LRIF1: variants seen among roughly 807,000 people sequenced by gnomAD.
LRIF1 encodes ligand-dependent nuclear receptor-interacting factor 1.
In LRIF1, 32 loss-of-function variants were observed where a neutral mutation model predicts 52.7. That is an observed-to-expected ratio of 0.61 (90% confidence interval 0.46 to 0.82). The LOEUF is 0.82. LRIF1 is among the 40% of genes least tolerant of loss of function. The pLI is 0.00. For missense variants in LRIF1, 887 were observed against 892.0 expected, an observed-to-expected ratio of 0.99 and a Z score of 0.07; for synonymous variants, 323 against 317.4, an observed-to-expected ratio of 1.02 and a Z score of -0.19.
At chr1:110,918,314 A>G in the LRIF1 span, among the ~76,000 whole-genome samples, 4 of 152,192 alleles carry the variant, frequency 2.6e-5, no homozygotes, top group African/African-American at 9.6e-5. Context: ...GACAGGAACA[A>G]AAAATAAGAA....
intron 1 of LRIF1, 74 bp from the exon 2 acceptor site, chr1:110,952,889 T>C: frequency 5.2e-6 from 4 of 767,372 alleles, no homozygotes; most frequent in Non-Finnish European, 7.1e-6. Flanking sequence ...TAAATATTTG[T>C]AAATATTTGT....
At chr1:110,878,531 C>G in the LRIF1 span, among the ~76,000 whole-genome samples, 6 of 152,044 alleles carry the variant, frequency 3.9e-5, no homozygotes, top group Admixed American at 3.9e-4. Context: ...ATGCTTTCTT[C>G]TTTATACTTT....
the LRIF1 span, chr1:110,939,840 T>TAG: frequency 6.6e-6 from 1 of 152,180 alleles, no homozygotes; most frequent in Non-Finnish European, 1.5e-5. Context: ...ATATACAAAG[T>TAG]AGACTAAAGG....
At chr1:110,955,796 T>G (rs915096382) in intron 1 of LRIF1, among the ~76,000 whole-genome samples, 1 of 152,178 alleles carries the variant, frequency 6.6e-6, no homozygotes, top group African/African-American at 2.4e-5. Flanking sequence ...GATCTTTCCT[T>G]TTTCTTTGTT....
the LRIF1 span, chr1:110,891,565 G>A: frequency 6.5e-6 from 6 of 927,992 alleles, no homozygotes; most frequent in East Asian, 4.9e-5. Context: ...GGGGTAAAAT[G>A]CATGCGTGTT....
the LRIF1 span, among the ~76,000 whole-genome samples, chr1:110,910,971 A>G: frequency 6.6e-6 from 1 of 152,316 alleles, no homozygotes; most frequent in East Asian, 1.9e-4. Flanking sequence ...ACCAACTCCA[A>G]AACTAGCAAA....
the LRIF1 span, among the ~76,000 whole-genome samples, chr1:110,892,103 G>A: frequency 3.3e-5 from 5 of 152,236 alleles, no homozygotes. Context: ...GTGGCTCACA[G>A]AAGTGATCTT....
chr1:110,923,383 G>A, the LRIF1 span, among the ~76,000 whole-genome samples: 1 of 152,024 alleles, frequency 6.6e-6, no homozygotes, highest in African/African-American at 2.4e-5. Flanking sequence ...TAGGTTCCAG[G>A]TATTTGGACA....
chr1:110,903,630 T>C, the LRIF1 span, among the ~76,000 whole-genome samples: 1 of 152,142 alleles, frequency 6.6e-6, no homozygotes. Context: ...TGAAACCAAG[T>C]TACTATGTCC....
chr1:110,938,925 AAT>A, the LRIF1 span: 1 of 151,128 alleles, frequency 6.6e-6, no homozygotes, highest in African/African-American at 2.4e-5. Flanking sequence ...AACAGTGAAC[AAT>A]ATGAAAAAAG....
Position 110,952,175 on chromosome 1 carries a change from T to C in LRIF1, c.709A>G (p.Thr237Ala). Residue 237 changes from threonine to alanine, a missense_variant, in exon 2 of 4, where the codon ACA (threonine) becomes GCA (alanine). Coordinates refer to ENST00000369763, the MANE Select transcript of LRIF1 (RefSeq NM_018372.4). ...PTVIYVSPVN[T>A]VKNVVTKNFQ... ...TTCTTGGTAACTACATTTTTCACTG[T>C]ATTTACAGGAGATACATAAATAACG... is the stretch of plus-strand genomic sequence containing the variant. 1 of 1,614,248 alleles carries C rather than the reference T, an allele frequency of 6.2e-7. No homozygotes were observed. Among genetic ancestry groups the C allele is most frequent in the Non-Finnish European group, 8.5e-7 (1 of 1,180,034 alleles).
At position 110,963,866 on chromosome 1, in the gene LRIF1, C is replaced by G. The variant is rs568699584; in HGVS notation, c.-178G>C. 4 of 489,660 alleles carry G rather than the reference C, an allele frequency of 8.2e-6. No homozygotes were observed. The highest frequency in any genetic ancestry group is 2.6e-5 in the South Asian group (1 of 37,774). 30.3% of individuals were successfully genotyped at this position (489,660 alleles called of 1,614,324 possible). A position where few individuals can be genotyped will look rare whatever the true frequency, so the allele number is the denominator to read the frequency against. ...GCTCTCGAGAGGGTGTATCCCCAGG[C>G]TTCGGGACGAGGTCGCGCACCGCGC... On this transcript the variant is annotated 5_prime_UTR_variant, in exon 1 of 4. Transcript: ENST00000369763.
At chr1:110,934,805 T>C in the LRIF1 span, among the ~76,000 whole-genome samples, 1 of 152,154 alleles carries the variant, frequency 6.6e-6, no homozygotes, top group African/African-American at 2.4e-5. Context: ...CCTGGCTGGC[T>C]TTGCCACCTG....
chr1:110,919,209 T>C, the LRIF1 span, among the ~76,000 whole-genome samples: 1 of 152,172 alleles, frequency 6.6e-6, no homozygotes, highest in Non-Finnish European at 1.5e-5. Context: ...GTATTGTTCC[T>C]GGGTGTGTCT....
At chr1:110,939,696 C>T in the LRIF1 span, 1 of 152,156 alleles carries the variant, frequency 6.6e-6, no homozygotes, top group African/African-American at 2.4e-5. Context: ...TTACAGTGAA[C>T]TCATTTTTGA....
At chr1:110,885,978 G>T in the LRIF1 span, among the ~76,000 whole-genome samples, 2 of 152,184 alleles carry the variant, frequency 1.3e-5, no homozygotes, top group African/African-American at 4.8e-5. Context: ...GTGTAAATCT[G>T]TAGTTCCATC....
chr1:110,920,302 C>A, the LRIF1 span, among the ~76,000 whole-genome samples: 33 of 152,250 alleles, frequency 2.2e-4, no homozygotes, highest in East Asian at 6.2e-3. Context: ...AGACATACTT[C>A]AGTAGATGAA....
At chr1:110,901,227 G>A in the LRIF1 span, among the ~76,000 whole-genome samples, 1 of 151,894 alleles carries the variant, frequency 6.6e-6, no homozygotes, top group South Asian at 2.1e-4. Flanking sequence ...GCCCAGGCTG[G>A]AGTACAGTGG....
At chr1:110,912,650 T>C in the LRIF1 span, among the ~76,000 whole-genome samples, 9 of 152,072 alleles carry the variant, frequency 5.9e-5, no homozygotes, top group African/African-American at 2.2e-4. Flanking sequence ...ACAAAAAGAA[T>C]TACAAAACAC....
Sources: allele counts gnomAD v4.1 joint callset (sites outside exome capture counted in the v4.1 genomes callset), GRCh38; gene constraint gnomAD v4.1.1; transcripts MANE v1.5; gene names NCBI Gene and HGNC (gene_info 2026-07-23, HGNC 2026-07-21).